Variants in DOCK8 observed in about 807,000 individuals in gnomAD.
The protein encoded by DOCK8 is dedicator of cytokinesis protein 8.
Under a neutral mutation model 245.6 loss-of-function variants are expected in DOCK8, and 141 were observed. That is an observed-to-expected ratio of 0.57 (90% CI 0.50 to 0.66). DOCK8 has a LOEUF of 0.66. DOCK8 is among the 30% of genes least tolerant of loss of function. DOCK8 has a pLI of 0.00. For synonymous variants in DOCK8, 1,168 were observed against 970.2 expected, an observed-to-expected ratio of 1.20 and a Z score of -3.79; for missense variants, 2,965 against 2,603.4, an observed-to-expected ratio of 1.14 and a Z score of -3.02.
chr9:433,871 G>A lies in DOCK8; in HGVS notation c.4786-4G>A. On this transcript the variant is annotated splice_region_variant and splice_polypyrimidine_tract_variant and intron_variant, in intron 37 of 47. Transcript: ENST00000432829. ...GATTATTTTGAGGCTTACACTTTTTGCAGGTGGAGGAACTTCTCTGTAATC... is the reference window on the plus strand; with the variant it reads ...GATTATTTTGAGGCTTACACTTTTTACAGGTGGAGGAACTTCTCTGTAATC... 1 of 1,611,314 alleles carries A rather than the reference G, an allele frequency of 6.2e-7. No homozygotes were observed. The highest frequency in any genetic ancestry group is 8.5e-7 in the Non-Finnish European group (1 of 1,177,474).
chr9:311,305 T>A (rs1370964743), intron 5 of DOCK8, among the ~76,000 whole-genome samples: 2 of 149,604 alleles, frequency 1.3e-5, no homozygotes, highest in Admixed American at 6.7e-5. Context: ...AAAAAGGTAA[T>A]CATACCTCAC....
chr9:410,593 A>G (rs1254405182), intron 28 of DOCK8, among the ~76,000 whole-genome samples: 1 of 152,220 alleles, frequency 6.6e-6, no homozygotes, highest in East Asian at 1.9e-4. Flanking sequence ...ATTTTAATAT[A>G]CTGCTCTTGA....
chr9:365,764 C>G (rs999277849), intron 14 of DOCK8: 1 of 412,428 alleles, frequency 2.4e-6, no homozygotes, highest in African/African-American at 2.1e-5. Context: ...CCCTCAATCC[C>G]GCTTAACAGA....
chr9:361,081 C>CA (rs556409597), intron 14 of DOCK8, among the ~76,000 whole-genome samples: 71 of 152,216 alleles, frequency 4.7e-4, no homozygotes, highest in African/African-American at 1.5e-3. Context: ...AGCAGAGGAT[C>CA]GCTTGAGCCC....
At chr9:247,815 C>T (rs1262857818) in intron 1 of DOCK8, among the ~76,000 whole-genome samples, 2 of 151,914 alleles carry the variant, frequency 1.3e-5, no homozygotes, top group Non-Finnish European at 2.9e-5. Flanking sequence ...GGGATTATGG[C>T]AGAGAAATGT....
intron 30 of DOCK8, among the ~76,000 whole-genome samples, chr9:419,594 T>C (rs2056189717): frequency 6.6e-6 from 1 of 152,184 alleles, no homozygotes; most frequent in Admixed American, 6.5e-5. Flanking sequence ...ATTATTTCCA[T>C]CCAAAACTAA....
chr9:417,004 T>C (rs57066395), intron 29 of DOCK8, among the ~76,000 whole-genome samples: 2,110 of 152,308 alleles, frequency 0.014, 48 homozygotes, highest in African/African-American at 0.047. Context: ...TTTCTAAAAA[T>C]TGGGTTTTGG....
rs150431571 is a variant in DOCK8 at position 395,184 on chromosome 9, C to T, written c.2971-1601C>T. On this transcript the variant is annotated intron_variant, in intron 24 of 47. Transcript: ENST00000432829. ...GGCCTTGTGGGATATGAAGCCATCTCTGTGTCCCAAACCAAAGAGGATGCC... is the reference window on the plus strand; with the variant it reads ...GGCCTTGTGGGATATGAAGCCATCTTTGTGTCCCAAACCAAAGAGGATGCC... 3.9e-3 allele frequency among the ~76,000 whole-genome samples: 595 copies of T among 152,238 alleles called. 4 individuals carry two copies. The highest frequency in any genetic ancestry group is 0.013 in the African/African-American group (553 of 41,542).
At chr9:346,001 G>A (rs1464591801) in intron 14 of DOCK8, among the ~76,000 whole-genome samples, 1 of 151,932 alleles carries the variant, frequency 6.6e-6, no homozygotes, top group South Asian at 2.1e-4. Flanking sequence ...ATGACCAGGG[G>A]CTCCCAAACC....
intron 29 of DOCK8, among the ~76,000 whole-genome samples, chr9:417,100 G>T (rs2056055382): frequency 6.6e-6 from 1 of 152,172 alleles, no homozygotes; most frequent in African/African-American, 2.4e-5. Context: ...TTCAAGACCA[G>T]CCTGGCCAAC....
chr9:289,590 C>G lies in DOCK8; in HGVS notation c.404+9C>G, dbSNP rs938827724. The G allele has an allele frequency of 3.7e-6, 6 of 1,607,336 alleles. No individual in the cohort carries two copies. The highest frequency in any genetic ancestry group is 5.1e-6 in the Non-Finnish European group (6 of 1,176,542). Reference sequence around the variant, plus strand: ...CTAATCGTGAACCGGAAGTAAGTTACTTTTTTTCCACTTTTTGTATATAAA... The same window carrying G: ...CTAATCGTGAACCGGAAGTAAGTTAGTTTTTTTCCACTTTTTGTATATAAA... On this transcript the variant is annotated intron_variant, in intron 4 of 47. Coordinates refer to ENST00000432829, the MANE Select transcript of DOCK8 (RefSeq NM_203447.4).
intron 1 of DOCK8, among the ~76,000 whole-genome samples, chr9:229,578 A>T (rs767826006): frequency 1.3e-5 from 2 of 152,178 alleles, no homozygotes; most frequent in Non-Finnish European, 2.9e-5. Context: ...CAAAGGCAGG[A>T]TTTGAGGCTA....
At position 379,679 on chromosome 9, in the gene DOCK8, C is replaced by T; in HGVS notation, c.2441-92C>T. The T allele has an allele frequency of 2.8e-6, 4 of 1,423,584 alleles. No homozygotes were observed. The South Asian group carries it at 3.6e-5, about 13-fold the overall frequency. 88.2% of individuals were successfully genotyped at this position (1,423,584 alleles called of 1,614,324 possible). A position where few individuals can be genotyped will look rare whatever the true frequency, so the allele number is the denominator to read the frequency against. On this transcript the variant is annotated intron_variant, in intron 20 of 47. Transcript: ENST00000432829. ...AGGCCTAGTTAAATTGGTCAGCGGT[C>T]AGGACTCATTGTCACTGTCCTGGAG...
chr9:315,922 A>G (rs926833296), intron 6 of DOCK8, among the ~76,000 whole-genome samples: 5 of 152,144 alleles, frequency 3.3e-5, no homozygotes, highest in Middle Eastern at 3.2e-3. Flanking sequence ...GTCTGTTCCA[A>G]TGATCCTAAA....
Position 233,517 on chromosome 9 carries a change from A to T in DOCK8, c.53+18488A>T, listed in dbSNP as rs563755993. 3.3e-5 allele frequency among the ~76,000 whole-genome samples: 5 copies of T among 151,494 alleles called. No homozygotes were observed. In the South Asian group the frequency reaches 1.0e-3, roughly 31 times the overall value. Reference sequence around the variant, plus strand: ...TGGGGTGTTAAAGTCTCCCATTATTATTGTGTGGGAGTCTAAGTCTCTTTG... The same window carrying T: ...TGGGGTGTTAAAGTCTCCCATTATTTTTGTGTGGGAGTCTAAGTCTCTTTG... On this transcript the variant is annotated intron_variant, in intron 1 of 47. Coordinates refer to ENST00000432829, the MANE Select transcript of DOCK8 (RefSeq NM_203447.4).
rs1259388421 is a variant in DOCK8, at chr9:229,698, A to T, written c.53+14669A>T. On this transcript the variant is annotated intron_variant, in intron 1 of 47. Transcript: ENST00000432829. ...TGTTAGTTCTGGAATGGGAGAATTA[A>T]AAATGAGTAGAAAAAGAAAATAGAG... 2.0e-5 allele frequency among the ~76,000 whole-genome samples: 3 copies of T among 152,110 alleles called. No individual in the cohort carries two copies. In the East Asian group the frequency reaches 5.8e-4, roughly 29 times the overall value.
rs530827485 is a variant in DOCK8, at chr9:461,527, A to ATTTTTTTT, written c.6069-1968_6069-1961dup. Among the ~76,000 whole-genome samples, 16 of 67,288 alleles carry ATTTTTTTT rather than the reference A, an allele frequency of 2.4e-4. 3 individuals carry two copies. Among genetic ancestry groups the ATTTTTTTT allele is most frequent in the African/African-American group, 8.3e-4 (12 of 14,470 alleles). The allele number at this position is 67,288 out of a possible 152,430, so 44.1% of individuals were successfully genotyped here. A position where few individuals can be genotyped will look rare whatever the true frequency, so the allele number is the denominator to read the frequency against. ...GAGTTTTTTGTCTTTTAGCAACTGC[A>ATTTTTTTT]TTTTTTTTTTTTTTTTTTTTTTTTT... is the stretch of plus-strand genomic sequence containing the variant. On this transcript the variant is annotated intron_variant, in intron 46 of 47. Coordinates refer to ENST00000432829, the MANE Select transcript of DOCK8 (RefSeq NM_203447.4).
rs1282540656 is a variant in DOCK8 at position 462,577 on chromosome 9, C to T, written c.6069-940C>T. 2.0e-5 allele frequency among the ~76,000 whole-genome samples: 3 copies of T among 152,230 alleles called. No individual in the cohort carries two copies. In the South Asian group the frequency reaches 6.2e-4, roughly 32 times the overall value. On this transcript the variant is annotated intron_variant, in intron 46 of 47. Transcript: ENST00000432829. ...TCTTGTGTGAGCTTTGAAGCCCCTT[C>T]CCCTCAGCCCATAGACCTATACACA...
intron 47 of DOCK8, 89 bp from the exon 48 acceptor site, chr9:464,070 A>G (rs545125868): frequency 1.8e-6 from 2 of 1,132,324 alleles, no homozygotes; most frequent in African/African-American, 3.1e-5. Flanking sequence ...TGGGTGATCC[A>G]CCCCCAACCC....
Sources: gnomAD v4.1 joint callset for allele counts (sites outside exome capture counted in the v4.1 genomes callset) on GRCh38, gnomAD v4.1.1 for gene constraint, MANE v1.5 for transcripts, NCBI Gene and HGNC (gene_info 2026-07-23, HGNC 2026-07-21) for gene names.